The following P2RY2 variants were observed in gnomAD, a reference collection of about 807,000 sequenced individuals.
P2RY2 encodes purinergic receptor P2Y2, also known as P2Y purinoceptor 2.
For missense variants in P2RY2, 567 were observed against 515.7 expected, an observed-to-expected ratio of 1.10 and a Z score of -0.96; for synonymous variants, 241 against 231.9, an observed-to-expected ratio of 1.04 and a Z score of -0.35.
intron 2 of P2RY2, chr11:73,233,897 A>C (rs529370082): frequency 2.5e-4 from 133 of 525,230 alleles, no homozygotes; most frequent in Non-Finnish European, 3.8e-4. Flanking sequence ...GTTGTGTTCC[A>C]ACAAAGCTGA....
At position 73,236,164 on chromosome 11, in the gene P2RY2, T is replaced by G. The variant is rs1484560831; in HGVS notation, c.*871T>G. 2 of 1,000,194 alleles carry G rather than the reference T, an allele frequency of 2.0e-6. No individual in the cohort carries two copies. Among genetic ancestry groups the G allele is most frequent in the Admixed American group, 6.1e-5 (1 of 16,270 alleles). 62.0% of individuals were successfully genotyped at this position (1,000,194 alleles called of 1,614,324 possible). A position where few individuals can be genotyped will look rare whatever the true frequency, so the allele number is the denominator to read the frequency against. On this transcript the variant is annotated 3_prime_UTR_variant, in exon 3 of 3. Coordinates refer to ENST00000393597, the MANE Select transcript of P2RY2 (RefSeq NM_002564.4). ...GTGCTGAGCACAGAGAAAAGTCAGG[T>G]GCAGTCCCAGTCCTTGAGATTTCCC...
In P2RY2 at chr11:73,235,652, G is replaced by A; in HGVS notation, c.*359G>A. 6.8e-6 allele frequency: 7 copies of A among 1,030,672 alleles called. No individual in the cohort carries two copies. The highest frequency in any genetic ancestry group is 8.2e-6 in the Non-Finnish European group (7 of 850,834). The allele number at this position is 1,030,672 out of a possible 1,614,324, so 63.8% of individuals were successfully genotyped here. A position where few individuals can be genotyped will look rare whatever the true frequency, so the allele number is the denominator to read the frequency against. ...TCAAATGGAGAAACAGGCCCAGAGA[G>A]GAAGGTGGCTTACCAAGATCACATA... On this transcript the variant is annotated 3_prime_UTR_variant, in exon 3 of 3. Coordinates refer to ENST00000393597, the MANE Select transcript of P2RY2 (RefSeq NM_002564.4).
Position 73,236,561 on chromosome 11 carries a change from A to G in P2RY2, c.*1268A>G. On this transcript the variant is annotated 3_prime_UTR_variant, in exon 3 of 3. Transcript: ENST00000393597. ...GCATCCCAGGCAAAGACATGGGGCAAGAGGGCAGGGTGTGCATGAGCCATA... is the reference window on the plus strand; with the variant it reads ...GCATCCCAGGCAAAGACATGGGGCAGGAGGGCAGGGTGTGCATGAGCCATA... 1.0e-6 allele frequency: 1 copy of G among 985,366 alleles called. No individual in the cohort carries two copies. Among genetic ancestry groups the G allele is most frequent in the Non-Finnish European group, 1.2e-6 (1 of 829,890 alleles). 61.0% of individuals were successfully genotyped at this position (985,366 alleles called of 1,614,324 possible). A position where few individuals can be genotyped will look rare whatever the true frequency, so the allele number is the denominator to read the frequency against.
chr11:73,219,982 C>T (rs1184664556), intron 1 of P2RY2, among the ~76,000 whole-genome samples: 1 of 152,242 alleles, frequency 6.6e-6, no homozygotes, highest in Non-Finnish European at 1.5e-5. Context: ...CTGTCTCCTC[C>T]TTTCCTCTTC....
In P2RY2 at chr11:73,236,600, G is replaced by A. The variant is rs1283947312; in HGVS notation, c.*1307G>A. On this transcript the variant is annotated 3_prime_UTR_variant, in exon 3 of 3. Transcript: ENST00000393597. The stretch of plus-strand genomic sequence containing the variant: ...GCATGAGCCATAAGCAGGCTGGACA[G>A]CTGACTCCAGGCTCAAGGCAGGGTT... 1.0e-6 allele frequency: 1 copy of A among 985,296 alleles called. No homozygotes were observed. The highest frequency in any genetic ancestry group is 1.7e-5 in the African/African-American group (1 of 57,228). The allele number at this position is 985,296 out of a possible 1,614,324, so 61.0% of individuals were successfully genotyped here. A position where few individuals can be genotyped will look rare whatever the true frequency, so the allele number is the denominator to read the frequency against.
Position 73,235,174 on chromosome 11 carries a change from C to T in P2RY2, c.1015C>T (p.Arg339Cys), listed in dbSNP as rs1377017803. The change falls in exon 3 of 3, where the codon CGC becomes TGC. Residue 339 changes from arginine (R) to cysteine (C), a missense_variant. By Grantham distance (180) the Arg-to-Cys change is radical (BLOSUM62 -3). Transcript: ENST00000393597. ...ATPARRRLGL[R>C]RSDRTDMQRI... ...CCCGGCTCGCCGCAGGCTGGGCCTG[C>T]GCAGATCCGACAGAACTGACATGCA... 6 of 1,610,038 alleles carry T rather than the reference C, an allele frequency of 3.7e-6. No individual in the cohort carries two copies. Among genetic ancestry groups the T allele is most frequent in the East Asian group, 4.5e-5 (2 of 44,884 alleles).
At position 73,238,524 on chromosome 11, in the gene P2RY2, C is replaced by T. The variant is rs1248271131; in HGVS notation, c.*3231C>T. On this transcript the variant is annotated 3_prime_UTR_variant, in exon 3 of 3. Transcript: ENST00000393597. ...GTCACCAAAGCTACCTCTCTGTCAC[C>T]CTTGTCATGGCAGATTTGGGCTGCT... Among the ~76,000 whole-genome samples, 3 of 152,168 alleles carry T rather than the reference C, an allele frequency of 2.0e-5. No homozygotes were observed. The highest frequency in any genetic ancestry group is 1.9e-4 in the East Asian group (1 of 5,200).
At chr11:73,219,885 C>A (rs1044420028) in intron 1 of P2RY2, among the ~76,000 whole-genome samples, 1 of 152,238 alleles carries the variant, frequency 6.6e-6, no homozygotes, top group Admixed American at 6.5e-5. Context: ...CTTCCTTGAT[C>A]CCTACAGCTG....
Position 73,229,943 on chromosome 11 carries a change from A to G in P2RY2, c.-5+1768A>G, listed in dbSNP as rs185124209. Among the ~76,000 whole-genome samples, 416 of 152,178 alleles carry G rather than the reference A, an allele frequency of 2.7e-3. 1 individual carries two copies. Among genetic ancestry groups the G allele is most frequent in the African/African-American group, 9.6e-3 (399 of 41,518 alleles). ...CCTCCCGGGGATATTTTGGGGCTGC[A>G]GTTCTCAAGGCTGTGGGATTTGACT... is the stretch of plus-strand genomic sequence containing the variant. On this transcript the variant is annotated intron_variant, in intron 2 of 2. Coordinates refer to ENST00000393597, the MANE Select transcript of P2RY2 (RefSeq NM_002564.4).
intron 2 of P2RY2, among the ~76,000 whole-genome samples, chr11:73,229,817 C>T (rs1350049205): frequency 2.0e-5 from 3 of 152,008 alleles, no homozygotes; most frequent in Non-Finnish European, 4.4e-5. Flanking sequence ...AGTCAGGCCT[C>T]GGCACGGGGG....
At chr11:73,231,081 C>T (rs1353691520) in intron 2 of P2RY2, among the ~76,000 whole-genome samples, 1 of 152,204 alleles carries the variant, frequency 6.6e-6, no homozygotes, top group Non-Finnish European at 1.5e-5. Flanking sequence ...CCTGTCTCTT[C>T]TTAACTTGGC....
At chr11:73,224,252 C>T (rs1048069443) in intron 1 of P2RY2, among the ~76,000 whole-genome samples, 8 of 152,330 alleles carry the variant, frequency 5.3e-5, no homozygotes, top group African/African-American at 1.9e-4. Context: ...CTAAGCTCCT[C>T]AGCCTGTGCA....
In P2RY2 at chr11:73,236,233, T is replaced by G; in HGVS notation, c.*940T>G. The G allele has an allele frequency of 1.0e-6, 1 of 967,642 alleles. No individual in the cohort carries two copies. The highest frequency in any genetic ancestry group is 1.2e-6 in the Non-Finnish European group (1 of 800,160). 59.9% of individuals were successfully genotyped at this position (967,642 alleles called of 1,614,324 possible). ...TCATGTGCTGGTAAATGTTAAGCCA[T>G]TTAACTGGAGCTCCGATTTAACTGG... On this transcript the variant is annotated 3_prime_UTR_variant, in exon 3 of 3. Coordinates refer to ENST00000393597, the MANE Select transcript of P2RY2 (RefSeq NM_002564.4).
At chr11:73,234,106 G>T in intron 2 of P2RY2, 50 bp from the exon 3 acceptor site, 1 of 1,551,408 alleles carries the variant, frequency 6.4e-7, no homozygotes, top group South Asian at 1.2e-5. Flanking sequence ...AGGTCCCCTA[G>T]GGGCGCTCCG....
rs113741989 is a variant in P2RY2 at position 73,235,160 on chromosome 11, G to A, written c.1001G>A (p.Arg334His). ...TGPSPATPAR[R>H]RLGLRRSDRT... ...CCCAGCCCTGCCACCCCGGCTCGCCGCAGGCTGGGCCTGCGCAGATCCGAC... is the reference window on the plus strand; with the variant it reads ...CCCAGCCCTGCCACCCCGGCTCGCCACAGGCTGGGCCTGCGCAGATCCGAC... Residue 334 changes from arginine (R) to histidine (H), a missense_variant, in exon 3 of 3, where the codon CGC becomes CAC. Coordinates refer to ENST00000393597, the MANE Select transcript of P2RY2 (RefSeq NM_002564.4). 62 of 1,606,862 alleles carry A rather than the reference G, an allele frequency of 3.9e-5. No homozygotes were observed. The highest frequency in any genetic ancestry group is 3.3e-5 in the Non-Finnish European group (39 of 1,178,828).
At position 73,235,112 on chromosome 11, in the gene P2RY2, G is replaced by C; in HGVS notation, c.953G>C (p.Arg318Pro). 6.2e-7 allele frequency: 1 copy of C among 1,606,792 alleles called. No individual in the cohort carries two copies. Among genetic ancestry groups the C allele is most frequent in the Non-Finnish European group, 8.5e-7 (1 of 1,178,544 alleles). The change falls in exon 3 of 3, where the codon CGA becomes CCA. Residue 318 changes from arginine (R) to proline (P), a missense_variant. Transcript: ENST00000393597. ...LAGQRLVRFA[R>P]DAKPPTGPSP... ...GGGCAGAGGCTCGTACGCTTTGCCC[G>C]AGATGCCAAGCCACCCACTGGCCCC...
intron 1 of P2RY2, among the ~76,000 whole-genome samples, chr11:73,224,266 T>A (rs1862212279): frequency 6.6e-6 from 1 of 152,206 alleles, no homozygotes; most frequent in African/African-American, 2.4e-5. Context: ...CTGTGCACTC[T>A]AGCCTTGCCC....
Position 73,229,065 on chromosome 11 carries a change from G to A in P2RY2, c.-5+890G>A, listed in dbSNP as rs558616615. Among the ~76,000 whole-genome samples the A allele has an allele frequency of 2.6e-5, 4 of 152,242 alleles. No homozygotes were observed. In the East Asian group the frequency reaches 7.7e-4, roughly 29 times the overall value. On this transcript the variant is annotated intron_variant, in intron 2 of 2. Transcript: ENST00000393597. ...ACCTCCTGTGGTCAGGCCTCCTGCTGGATGATAGGGACAGAGAAAAGCATC... is the reference window on the plus strand; with the variant it reads ...ACCTCCTGTGGTCAGGCCTCCTGCTAGATGATAGGGACAGAGAAAAGCATC...
intron 1 of P2RY2, among the ~76,000 whole-genome samples, chr11:73,219,894 T>C (rs1379126417): frequency 6.6e-6 from 1 of 152,254 alleles, no homozygotes; most frequent in Non-Finnish European, 1.5e-5. Flanking sequence ...TCCCTACAGC[T>C]GGGTTGGAGC....
Sources: allele counts gnomAD v4.1 joint callset (sites outside exome capture counted in the v4.1 genomes callset), GRCh38; gene constraint gnomAD v4.1.1; transcripts MANE v1.5; gene names NCBI Gene and HGNC (gene_info 2026-07-23, HGNC 2026-07-21).